The following FBXL4 variants were observed in gnomAD, a reference collection of about 807,000 sequenced individuals.
FBXL4 encodes F-box/LRR-repeat protein 4.
In FBXL4, 40 loss-of-function variants were observed where a neutral mutation model predicts 58.9. That is an observed-to-expected ratio of 0.68 (90% CI 0.53 to 0.88). FBXL4 has a LOEUF of 0.88. Ranked by LOEUF, FBXL4 falls within the 40% of genes least tolerant of loss-of-function variation. The probability of loss-of-function intolerance (pLI) is 0.00; values close to 1 mark genes in which losing one functional copy is unlikely to be tolerated. For missense variants in FBXL4, 676 were observed against 734.4 expected (o/e 0.92, Z 0.92); for synonymous variants, 263 against 265.5 (o/e 0.99, Z 0.09).
chr6:98,924,387 T>C (rs183455365), intron 4 of FBXL4, among the ~76,000 whole-genome samples: 1 of 152,166 alleles, frequency 6.6e-6, no homozygotes, highest in Non-Finnish European at 1.5e-5. Context: ...TGAAACCCCA[T>C]CTCTATTAAA....
At chr6:98,942,250 T>A (rs1051224420) in intron 1 of FBXL4, among the ~76,000 whole-genome samples, 1 of 151,988 alleles carries the variant, frequency 6.6e-6, no homozygotes, top group South Asian at 2.1e-4. Context: ...GAAGACATAC[T>A]ATTCAAGTAA....
At chr6:98,891,814 T>A (rs548604772) in intron 7 of FBXL4, among the ~76,000 whole-genome samples, 37 of 152,258 alleles carry the variant, frequency 2.4e-4, no homozygotes, top group African/African-American at 8.9e-4. Flanking sequence ...ACATGCCAAC[T>A]GTGAGAGGAT....
chr6:98,906,588 T>C (rs1426451365), intron 5 of FBXL4, among the ~76,000 whole-genome samples: 1 of 152,222 alleles, frequency 6.6e-6, no homozygotes, highest in Non-Finnish European at 1.5e-5. Context: ...ATATTTGGGT[T>C]GGTTCCAAGT....
intron 7 of FBXL4, among the ~76,000 whole-genome samples, chr6:98,895,309 T>C (rs1771373074): frequency 6.6e-6 from 1 of 152,204 alleles, no homozygotes; most frequent in Admixed American, 6.5e-5. Flanking sequence ...TTGTTCATAG[T>C]AAAAAGACAA....
intron 6 of FBXL4, among the ~76,000 whole-genome samples, 167 bp downstream of exon 6, chr6:98,905,259 T>G (rs544603895): frequency 2.6e-5 from 4 of 152,230 alleles, no homozygotes; most frequent in Non-Finnish European, 5.9e-5. Flanking sequence ...AAACACTTAT[T>G]TTTTTATAAG....
intron 5 of FBXL4, among the ~76,000 whole-genome samples, chr6:98,910,003 T>C (rs1248323917): frequency 6.6e-6 from 1 of 152,252 alleles, no homozygotes; most frequent in Non-Finnish European, 1.5e-5. Context: ...AAAGGCTATC[T>C]TACTGTTTCA....
chr6:98,918,340 A>T (rs1772450029), intron 4 of FBXL4, among the ~76,000 whole-genome samples: 2 of 152,108 alleles, frequency 1.3e-5, no homozygotes, highest in South Asian at 4.1e-4. Context: ...GGGGAATAAC[A>T]TTCTCCTATT....
chr6:98,911,408 C>A (rs1772061492), intron 5 of FBXL4, among the ~76,000 whole-genome samples: 1 of 152,162 alleles, frequency 6.6e-6, no homozygotes, highest in Admixed American at 6.5e-5. Context: ...GACCCCCAAG[C>A]AGCCTAACTG....
chr6:98,887,081 T>C (rs1437946883), intron 7 of FBXL4, among the ~76,000 whole-genome samples: 2 of 152,124 alleles, frequency 1.3e-5, no homozygotes, highest in Non-Finnish European at 2.9e-5. Flanking sequence ...TGAACTCATC[T>C]CTACAAAAAA....
chr6:98,869,578 G>C lies in FBXL4; in HGVS notation c.*4700C>G, dbSNP rs1392566838. ...TGGGAGACTGAGGCTGCAGTAAGCT[G>C]AGATCATGCCACTGCACTCCAGCCT... On this transcript the variant is annotated 3_prime_UTR_variant, in exon 10 of 10. Transcript: ENST00000369244. 1 of 152,492 alleles carries C rather than the reference G, an allele frequency of 6.6e-6. No individual in the cohort carries two copies. Among genetic ancestry groups the C allele is most frequent in the Non-Finnish European group, 1.5e-5 (1 of 68,292 alleles). The allele number at this position is 152,492 out of a possible 1,614,324, so 9.4% of individuals were successfully genotyped here. A position where few individuals can be genotyped will look rare whatever the true frequency, so the allele number is the denominator to read the frequency against.
intron 1 of FBXL4, among the ~76,000 whole-genome samples, chr6:98,946,911 AG>A (rs1339947285): frequency 3.3e-5 from 5 of 152,220 alleles, no homozygotes; most frequent in African/African-American, 4.8e-5. Flanking sequence ...TAATGGAGGC[AG>A]GAAGTGAGCC....
At chr6:98,898,361 C>T in intron 7 of FBXL4, 1 of 985,392 alleles carries the variant, frequency 1.0e-6, no homozygotes, top group Non-Finnish European at 1.2e-6. Flanking sequence ...AGCAATACCA[C>T]CTCTAGGACT....
At chr6:98,924,427 C>T (rs557914949) in intron 4 of FBXL4, among the ~76,000 whole-genome samples, 8 of 152,032 alleles carry the variant, frequency 5.3e-5, no homozygotes, top group Admixed American at 1.3e-4. Flanking sequence ...CATGGTGGCA[C>T]GCACCTGTAA....
chr6:98,907,284 T>C (rs373733984), intron 5 of FBXL4, among the ~76,000 whole-genome samples: 16 of 152,180 alleles, frequency 1.1e-4, no homozygotes, highest in African/African-American at 3.6e-4. Context: ...GGTTTTAAAC[T>C]AGGGGTTTTA....
At chr6:98,936,786 T>C (rs1363840394) in intron 1 of FBXL4, among the ~76,000 whole-genome samples, 1 of 152,186 alleles carries the variant, frequency 6.6e-6, no homozygotes, top group Non-Finnish European at 1.5e-5. Flanking sequence ...TAAAAAATTA[T>C]AGCTGGATCA....
chr6:98,926,940 T>C lies in FBXL4; in HGVS notation c.49A>G (p.Ile17Val), dbSNP rs754509338. ...GTCCTGGCTCGGCGCCGAAGGCATA[T>C]ATAATAAAACATGGTCAGAACTGTT... Reference protein sequence around the residue: ...MLTVLTMFYYICLRRRARTAT... With the variant: ...MLTVLTMFYYVCLRRRARTAT... The change falls in exon 4 of 10, where the codon ATA becomes GTA. Residue 17 changes from isoleucine (I) to valine (V), a missense_variant. By Grantham distance (29) the Ile-to-Val change is conservative. Coordinates refer to ENST00000369244, the MANE Select transcript of FBXL4 (RefSeq NM_001278716.2). The C allele has an allele frequency of 8.7e-6, 14 of 1,614,156 alleles. No individual in the cohort carries two copies. In the South Asian group the frequency reaches 1.4e-4, roughly 16 times the overall value.
In FBXL4 at chr6:98,918,562, T is replaced by C. The variant is rs374766071; in HGVS notation, c.513-843A>G. The stretch of plus-strand genomic sequence containing the variant: ...ACTATTTTCCAAAATTATTTAAAGA[T>C]TCTTCATAATAATAGCATCATCAGG... On this transcript the variant is annotated intron_variant, in intron 4 of 9. Transcript: ENST00000369244. Among the ~76,000 whole-genome samples, 18 of 152,294 alleles carry C rather than the reference T, an allele frequency of 1.2e-4. No individual in the cohort carries two copies. The South Asian group carries it at 3.1e-3, about 26-fold the overall frequency.
At chr6:98,933,365 A>C (rs537948304) in intron 2 of FBXL4, among the ~76,000 whole-genome samples, 2 of 152,156 alleles carry the variant, frequency 1.3e-5, no homozygotes, top group East Asian at 3.9e-4. Flanking sequence ...AGAACATTCT[A>C]TCTAACTTTG....
intron 5 of FBXL4, among the ~76,000 whole-genome samples, chr6:98,906,150 A>G (rs932676488): frequency 2.0e-5 from 3 of 151,198 alleles, no homozygotes; most frequent in African/African-American, 7.3e-5. Context: ...TGTACAGTGT[A>G]CCTGTGCCAG....
Sources: allele counts gnomAD v4.1 joint callset (sites outside exome capture counted in the v4.1 genomes callset), GRCh38; gene constraint gnomAD v4.1.1; transcripts MANE v1.5; gene names NCBI Gene and HGNC (gene_info 2026-07-23, HGNC 2026-07-21).